Variants in CCDC6 observed in about 807,000 individuals in gnomAD.
CCDC6 encodes the protein coiled-coil domain containing 6, also known as coiled-coil domain-containing protein 6.
A neutral mutation model predicts 56.6 loss-of-function variants in CCDC6; 20 were observed. That is an observed-to-expected ratio of 0.35 (90% CI 0.25 to 0.51). The LOEUF is 0.51. Ranked by LOEUF, CCDC6 falls within the 20% of genes least tolerant of loss-of-function variation. The pLI is 0.95. For missense variants in CCDC6, 367 were observed against 601.1 expected, an observed-to-expected ratio of 0.61 and a Z score of 4.07; for synonymous variants, 241 against 234.4, an observed-to-expected ratio of 1.03 and a Z score of -0.26.
intron 1 of CCDC6, among the ~76,000 whole-genome samples, chr10:59,868,737 G>A (rs1438635944): frequency 1.3e-5 from 2 of 152,070 alleles, no homozygotes; most frequent in East Asian, 3.9e-4. Flanking sequence ...TGGAACTTTG[G>A]TACATGCTAA....
intron 2 of CCDC6, among the ~76,000 whole-genome samples, chr10:59,842,222 CT>C (rs1053670362): frequency 6.6e-6 from 1 of 151,572 alleles, no homozygotes; most frequent in African/African-American, 2.4e-5. Flanking sequence ...ATTTTTGGTA[CT>C]TTTAGTAGAG....
intron 5 of CCDC6, among the ~76,000 whole-genome samples, chr10:59,812,019 C>G (rs1434172164): frequency 6.7e-6 from 1 of 148,310 alleles, no homozygotes; most frequent in Non-Finnish European, 1.5e-5. Flanking sequence ...TCACTGCATA[C>G]CTTTCACTGA....
chr10:59,904,136 T>G (rs56221953), intron 1 of CCDC6, among the ~76,000 whole-genome samples: 29,556 of 152,186 alleles, frequency 0.19, 3,698 homozygotes, highest in Middle Eastern at 0.32. Flanking sequence ...AATGTTAACT[T>G]TACTCATTAA....
chr10:59,828,880 C>T (rs1413423191), intron 3 of CCDC6, among the ~76,000 whole-genome samples: 1 of 152,170 alleles, frequency 6.6e-6, no homozygotes, highest in Non-Finnish European at 1.5e-5. Flanking sequence ...TCCCCACTAG[C>T]GTCTGGGGAA....
At chr10:59,825,231 T>C (rs1232170665) in intron 3 of CCDC6, among the ~76,000 whole-genome samples, 1 of 152,214 alleles carries the variant, frequency 6.6e-6, no homozygotes, top group Non-Finnish European at 1.5e-5. Flanking sequence ...TGGGAGATAA[T>C]TGAATCATAG....
intron 7 of CCDC6, among the ~76,000 whole-genome samples, chr10:59,795,428 A>G (rs767030093): frequency 2.0e-5 from 3 of 151,682 alleles, no homozygotes; most frequent in Admixed American, 2.0e-4. Flanking sequence ...ATATCACCTC[A>G]TAACTGTTAA....
At chr10:59,889,682 A>C (rs908503321) in intron 1 of CCDC6, among the ~76,000 whole-genome samples, 1 of 152,182 alleles carries the variant, frequency 6.6e-6, no homozygotes, top group African/African-American at 2.4e-5. Context: ...GATTCAGCCA[A>C]TAAGAGGCAC....
At position 59,806,912 on chromosome 10, in the gene CCDC6, A is replaced by T. The variant is rs2070629970; in HGVS notation, c.1004+10T>A. ...TAAACAAAAACAAGGCTCATAAGAC[A>T]TGCACACACCTTTCGTCGTCCATTT... On this transcript the variant is annotated intron_variant, in intron 6 of 8. Transcript: ENST00000263102. 1 of 1,612,144 alleles carries T rather than the reference A, an allele frequency of 6.2e-7. No homozygotes were observed. The highest frequency in any genetic ancestry group is 1.7e-5 in the Admixed American group (1 of 59,388).
Position 59,906,378 on chromosome 10 carries a change from T to C in CCDC6, c.47A>G (p.Asn16Ser), listed in dbSNP as rs769187202. The change falls in exon 1 of 9, where the codon AAC (asparagine) becomes AGC (serine). Residue 16 changes from asparagine (N) to serine (S), a missense_variant. Around this residue, in one of 7 missense-constraint regions of CCDC6, gnomAD observed 79 missense variants for 74.9 expected, o/e 1.05. Transcript: ENST00000263102. ...SESDTDGAGGNSSSSAAMQSS... is the reference protein window; with the variant it reads ...SESDTDGAGGSSSSSAAMQSS... ...CTGCATGGCGGCCGAGCTGCTGCTG[T>C]TGCCCCCCGCCCCGTCCGTGTCGCT... 1.5e-5 allele frequency: 24 copies of C among 1,590,964 alleles called. No homozygotes were observed. Among genetic ancestry groups the C allele is most frequent in the Non-Finnish European group, 2.0e-5 (24 of 1,176,466 alleles).
chr10:59,837,547 C>T (rs1179221629), intron 2 of CCDC6, among the ~76,000 whole-genome samples: 1 of 152,056 alleles, frequency 6.6e-6, no homozygotes, highest in East Asian at 1.9e-4. Context: ...AGTTTGAGTC[C>T]AGCCTGGCTA....
chr10:59,861,614 T>A (rs962811470), intron 1 of CCDC6, among the ~76,000 whole-genome samples: 1 of 152,028 alleles, frequency 6.6e-6, no homozygotes, highest in Non-Finnish European at 1.5e-5. Flanking sequence ...ATATGGGAAA[T>A]TTCACTGAGA....
intron 1 of CCDC6, among the ~76,000 whole-genome samples, chr10:59,882,071 G>GGGGGGAGAAGGAAAGGAAAGC (rs2071343205): frequency 2.8e-4 from 9 of 32,134 alleles, no homozygotes; most frequent in African/African-American, 1.1e-3. Flanking sequence ...AAGGAAAGCC[G>GGGGGGAGAAGGAAAGGAAAGC]CGGGGAGAAG....
chr10:59,896,157 A>T (rs1796902099), intron 1 of CCDC6, among the ~76,000 whole-genome samples: 1 of 152,234 alleles, frequency 6.6e-6, no homozygotes, highest in Non-Finnish European at 1.5e-5. Flanking sequence ...AATAAACTGT[A>T]CCTGTGAGTA....
chr10:59,812,122 A>T (rs1251742868), intron 5 of CCDC6, among the ~76,000 whole-genome samples: 7 of 151,864 alleles, frequency 4.6e-5, no homozygotes, highest in Non-Finnish European at 7.4e-5. Context: ...ACAGGGACAT[A>T]ATCAAATATT....
chr10:59,814,626 A>T, intron 4 of CCDC6, 26 bp downstream of exon 4: 1 of 1,399,684 alleles, frequency 7.1e-7, no homozygotes, highest in Non-Finnish European at 1.0e-6. Flanking sequence ...ACACACACCC[A>T]TACTGAACAG....
chr10:59,825,290 G>C (rs560612056), intron 3 of CCDC6, among the ~76,000 whole-genome samples: 2 of 152,326 alleles, frequency 1.3e-5, no homozygotes, highest in South Asian at 4.1e-4. Context: ...AGTCTCACGA[G>C]ATCTGATGGC....
chr10:59,874,811 T>TG (rs2071264417), intron 1 of CCDC6, among the ~76,000 whole-genome samples: 1 of 152,214 alleles, frequency 6.6e-6, no homozygotes, highest in African/African-American at 2.4e-5. Flanking sequence ...GGCCATGAGA[T>TG]GCAGGTAGCC....
chr10:59,844,195 T>C lies in CCDC6; in HGVS notation c.453+8358A>G, dbSNP rs567990752. Among the ~76,000 whole-genome samples, 121 of 152,212 alleles carry C rather than the reference T, an allele frequency of 7.9e-4. 1 individual carries two copies. Among genetic ancestry groups the C allele is most frequent in the Middle Eastern group, 3.4e-3 (1 of 294 alleles). On this transcript the variant is annotated intron_variant, in intron 2 of 8. Transcript: ENST00000263102. ...ATATAACTTTTATAAAGAGAAAAAA[T>C]AGCTACGTTCTTCCAGAAATTAGTT...
intron 2 of CCDC6, among the ~76,000 whole-genome samples, chr10:59,850,327 A>G (rs2071026947): frequency 6.6e-6 from 1 of 150,852 alleles, no homozygotes; most frequent in South Asian, 2.1e-4. Context: ...AAAAATGGCT[A>G]AAATGGTAAA....
Sources: allele counts gnomAD v4.1 joint callset (sites outside exome capture counted in the v4.1 genomes callset), GRCh38; gene constraint gnomAD v4.1.1; regional missense constraint gnomAD v4.1.1; transcripts MANE v1.5; gene names NCBI Gene and HGNC (gene_info 2026-07-23, HGNC 2026-07-21).